ADD1: variants seen among roughly 807,000 people sequenced by gnomAD.
ADD1 encodes the protein alpha-adducin.
In ADD1, 24 loss-of-function variants were observed where a neutral mutation model predicts 80.5. The ratio of observed to expected loss-of-function variants is 0.30; its 90% CI spans 0.22 to 0.42. ADD1 has a LOEUF of 0.42. Among genes scored for constraint, ADD1 ranks in the 10% least tolerant of loss-of-function variants. ADD1 has a pLI of 1.00. For missense variants in ADD1, 948 were observed against 1,019.0 expected (o/e 0.93, Z 0.95); for synonymous variants, 373 against 393.8 (o/e 0.95, Z 0.63).
At chr4:2,865,965 G>A (rs149092021) in intron 1 of ADD1, among the ~76,000 whole-genome samples, 18 of 152,292 alleles carry the variant, frequency 1.2e-4, no homozygotes, top group African/African-American at 4.1e-4. Context: ...CTCAGAATAT[G>A]TGAATTAGTA....
chr4:2,844,856 T>C (rs545847799), intron 1 of ADD1: 1 of 152,322 alleles, frequency 6.6e-6, no homozygotes, highest in African/African-American at 2.4e-5. Context: ...AAAGATTTTT[T>C]GTGTGAAAAA....
chr4:2,914,045 C>T (rs984566230), intron 13 of ADD1, among the ~76,000 whole-genome samples: 1 of 142,992 alleles, frequency 7.0e-6, no homozygotes, highest in East Asian at 2.2e-4. Context: ...GGTGACAGTG[C>T]GAGACTCCGT....
chr4:2,885,890 G>GCCCGCCACCACGCC (rs1733271763), intron 4 of ADD1, among the ~76,000 whole-genome samples: 1 of 152,044 alleles, frequency 6.6e-6, no homozygotes, highest in African/African-American at 2.4e-5. Flanking sequence ...GATTACAGGC[G>GCCCGCCACCACGCC]TGAGCCACCC....
At chr4:2,860,925 A>C (rs1467774914) in intron 1 of ADD1, among the ~76,000 whole-genome samples, 1 of 152,192 alleles carries the variant, frequency 6.6e-6, no homozygotes, top group African/African-American at 2.4e-5. Context: ...TAGTGATGGT[A>C]AGTACTTTGA....
chr4:2,869,618 C>T (rs1168730405), intron 1 of ADD1, among the ~76,000 whole-genome samples: 1 of 152,222 alleles, frequency 6.6e-6, no homozygotes, highest in East Asian at 1.9e-4. Context: ...ACCTCCCACT[C>T]ATGGACACTT....
At chr4:2,885,278 T>C (rs1733061080) in intron 4 of ADD1, among the ~76,000 whole-genome samples, 1 of 152,186 alleles carries the variant, frequency 6.6e-6, no homozygotes, top group African/African-American at 2.4e-5. Context: ...CCTCCCAGCT[T>C]CTGAGTAGCG....
At chr4:2,854,486 G>A (rs114383123) in intron 1 of ADD1, among the ~76,000 whole-genome samples, 3,075 of 152,178 alleles carry the variant, frequency 0.02, 62 homozygotes, top group Non-Finnish European at 0.029. Flanking sequence ...AGATTATTAT[G>A]GTAATCTCAT....
At chr4:2,870,274 G>T (rs1332130275) in intron 1 of ADD1, among the ~76,000 whole-genome samples, 1 of 152,176 alleles carries the variant, frequency 6.6e-6, no homozygotes, top group African/African-American at 2.4e-5. Flanking sequence ...TCATCCCAGG[G>T]CTGCAGTACT....
At position 2,885,609 on chromosome 4, in the gene ADD1, T is replaced by TGGA. The variant is rs958900419; in HGVS notation, c.510+944_510+945insGAG. ...ACCTGGCTTGGAATTCCACCCTTCC[T>TGGA]GCCTTCTTTTTTTTTTTTGAGACAG... On this transcript the variant is annotated intron_variant, in intron 4 of 15. Transcript: ENST00000683351. 5.5e-4 allele frequency among the ~76,000 whole-genome samples: 84 copies of TGGA among 151,954 alleles called. 2 individuals are homozygous for TGGA. The highest frequency in any genetic ancestry group is 1.9e-3 in the African/African-American group (77 of 41,490).
chr4:2,909,223 C>G (rs1309146627), intron 12 of ADD1, 116 bp from the exon 13 acceptor site: 2 of 848,000 alleles, frequency 2.4e-6, no homozygotes, highest in Non-Finnish European at 1.9e-6. Flanking sequence ...CACTGCCACA[C>G]TTACTGTTGA....
intron 1 of ADD1, among the ~76,000 whole-genome samples, chr4:2,862,763 C>G (rs994689641): frequency 1.3e-5 from 2 of 152,194 alleles, no homozygotes; most frequent in African/African-American, 2.4e-5. Flanking sequence ...ACTTATTTAT[C>G]ATGTTTATTG....
At chr4:2,882,731 A>G (rs556995761) in intron 3 of ADD1, among the ~76,000 whole-genome samples, 1 of 152,352 alleles carries the variant, frequency 6.6e-6, no homozygotes, top group East Asian at 1.9e-4. Flanking sequence ...AATAGCATTC[A>G]ACAGATCTGA....
intron 6 of ADD1, among the ~76,000 whole-genome samples, chr4:2,897,536 T>G (rs1735446716): frequency 7.6e-6 from 1 of 131,390 alleles, no homozygotes; most frequent in African/African-American, 2.8e-5. Flanking sequence ...TTGGAAAACC[T>G]CCTCCTTTTT....
intron 1 of ADD1, 65 bp downstream of exon 1, chr4:2,844,089 G>A (rs1367572099): frequency 6.7e-6 from 1 of 149,196 alleles, no homozygotes; most frequent in Non-Finnish European, 1.5e-5. Context: ...GGGGCGCGGG[G>A]AACTGGGCCG....
intron 14 of ADD1, among the ~76,000 whole-genome samples, chr4:2,924,353 C>G (rs1026169361): frequency 6.6e-6 from 1 of 152,236 alleles, no homozygotes; most frequent in Non-Finnish European, 1.5e-5. Context: ...CTCCCTGCTG[C>G]CAGCTCTCTT....
At chr4:2,928,141 C>T (rs1286662988) in intron 15 of ADD1, 30 bp from the exon 16 acceptor site, 5 of 1,603,642 alleles carry the variant, frequency 3.1e-6, no homozygotes, top group Non-Finnish European at 4.3e-6. Flanking sequence ...GGCAGGAACC[C>T]TTAATCCCAT....
At chr4:2,856,618 G>C (rs770617890) in intron 1 of ADD1, among the ~76,000 whole-genome samples, 2 of 143,756 alleles carry the variant, frequency 1.4e-5, no homozygotes, top group Non-Finnish European at 3.0e-5. Context: ...CTGAGACGGG[G>C]TCTTGCTCCG....
At chr4:2,870,189 C>T (rs1040848144) in intron 1 of ADD1, among the ~76,000 whole-genome samples, 2 of 152,178 alleles carry the variant, frequency 1.3e-5, no homozygotes, top group Non-Finnish European at 2.9e-5. Context: ...AGAATTCCCT[C>T]ATTATATATT....
chr4:2,911,947 T>G (rs1354970498), intron 13 of ADD1, among the ~76,000 whole-genome samples: 2 of 152,212 alleles, frequency 1.3e-5, no homozygotes, highest in Non-Finnish European at 2.9e-5. Context: ...AGAGGGGCAG[T>G]AAGCTCACCC....
Sources: allele counts gnomAD v4.1 joint callset (sites outside exome capture counted in the v4.1 genomes callset), GRCh38; gene constraint gnomAD v4.1.1; transcripts MANE v1.5; gene names NCBI Gene and HGNC (gene_info 2026-07-23, HGNC 2026-07-21).